The following SHE variants were observed in gnomAD, a reference collection of about 807,000 sequenced individuals.
The protein encoded by SHE is SH2 domain-containing adapter protein E.
A neutral mutation model predicts 49.8 loss-of-function variants in SHE; 11 were observed. That is an observed-to-expected ratio of 0.22 (90% CI 0.14 to 0.37). The LOEUF (loss-of-function observed/expected upper bound fraction) is 0.37. Among genes scored for constraint, SHE ranks in the 10% least tolerant of loss-of-function variants. SHE has a pLI of 1.00. For synonymous variants in SHE, 310 were observed against 278.1 expected, an observed-to-expected ratio of 1.11 and a Z score of -1.14; for missense variants, 624 against 655.5, an observed-to-expected ratio of 0.95 and a Z score of 0.52.
chr1:154,479,436 G>A, downstream of SHE: 2 of 919,548 alleles, frequency 2.2e-6, no homozygotes, highest in Non-Finnish European at 2.6e-6. Context: ...TTTTCTGAAG[G>A]AAGATGATTC....
In SHE at chr1:154,482,930, T is replaced by A; in HGVS notation, c.*1219A>T. ...TTTAAAAAATTTACTACAAAGCAAATCTAATTTTAGAGACAAAAATTAAAA... is the reference window on the plus strand; with the variant it reads ...TTTAAAAAATTTACTACAAAGCAAAACTAATTTTAGAGACAAAAATTAAAA... On this transcript the variant is annotated 3_prime_UTR_variant, in exon 6 of 6. Coordinates refer to ENST00000304760, the MANE Select transcript of SHE (RefSeq NM_001010846.3). The A allele has an allele frequency of 1.0e-6, 1 of 984,988 alleles. No homozygotes were observed. Among genetic ancestry groups the A allele is most frequent in the African/African-American group, 1.7e-5 (1 of 57,312 alleles). The allele number at this position is 984,988 out of a possible 1,614,324, so 61.0% of individuals were successfully genotyped here.
intron 3 of SHE, 142 bp from the exon 4 acceptor site, chr1:154,486,825 A>T: frequency 1.2e-6 from 1 of 866,234 alleles, no homozygotes; most frequent in Admixed American, 2.9e-5. Context: ...ACTGCAAAAT[A>T]CCCTGGCTAG....
chr1:154,473,900 T>C (rs1476241776), intron 1 of SHE, among the ~76,000 whole-genome samples: 3 of 152,222 alleles, frequency 2.0e-5, no homozygotes, highest in African/African-American at 7.2e-5. Context: ...GTGGCTGCCA[T>C]GTAAGTATTC....
At position 154,481,065 on chromosome 1, in the gene SHE, T is replaced by C; in HGVS notation, c.*3084A>G. The stretch of plus-strand genomic sequence containing the variant: ...GGAATGAGGACTACAGGAAAATACT[T>C]GTCTCAAGACAAAATGACAAAAAGC... On this transcript the variant is annotated 3_prime_UTR_variant, in exon 6 of 6. Coordinates refer to ENST00000304760, the MANE Select transcript of SHE (RefSeq NM_001010846.3). 1 of 985,440 alleles carries C rather than the reference T, an allele frequency of 1.0e-6. No individual in the cohort carries two copies. The highest frequency in any genetic ancestry group is 4.7e-5 in the South Asian group (1 of 21,286). 61.0% of individuals were successfully genotyped at this position (985,440 alleles called of 1,614,324 possible). A position where few individuals can be genotyped will look rare whatever the true frequency, so the allele number is the denominator to read the frequency against.
At chr1:154,488,385 A>C (rs1332888210) in intron 3 of SHE, among the ~76,000 whole-genome samples, 1 of 149,574 alleles carries the variant, frequency 6.7e-6, no homozygotes, top group African/African-American at 2.5e-5. Context: ...CAGCCTCTTG[A>C]GTAGCTGGGA....
In SHE at chr1:154,480,111, G is replaced by A. The variant is rs552275929; in HGVS notation, c.*4038C>T. ...AGCAGGCCAAGTTTCTCTAGTCCAC[G>A]TTAGTGGGGCACAAAAATTGGAAAT... On this transcript the variant is annotated 3_prime_UTR_variant, in exon 6 of 6. Transcript: ENST00000304760. The A allele has an allele frequency of 6.1e-6, 6 of 985,470 alleles. No individual in the cohort carries two copies. The highest frequency in any genetic ancestry group is 1.2e-4 in the Admixed American group (2 of 16,282). 61.0% of individuals were successfully genotyped at this position (985,470 alleles called of 1,614,324 possible). A position where few individuals can be genotyped will look rare whatever the true frequency, so the allele number is the denominator to read the frequency against.
Position 154,480,242 on chromosome 1 carries a change from T to G in SHE, c.*3907A>C. 9 of 985,440 alleles carry G rather than the reference T, an allele frequency of 9.1e-6. No individual in the cohort carries two copies. Among genetic ancestry groups the G allele is most frequent in the Non-Finnish European group, 1.1e-5 (9 of 829,944 alleles). The allele number at this position is 985,440 out of a possible 1,614,324, so 61.0% of individuals were successfully genotyped here. ...ACGAGAGATCTGTGAAGGGTTTCAGTGCAATCCTGCTGAGTGTCAAGGGGT... is the reference window on the plus strand; with the variant it reads ...ACGAGAGATCTGTGAAGGGTTTCAGGGCAATCCTGCTGAGTGTCAAGGGGT... On this transcript the variant is annotated 3_prime_UTR_variant, in exon 6 of 6. Coordinates refer to ENST00000304760, the MANE Select transcript of SHE (RefSeq NM_001010846.3).
At position 154,501,775 on chromosome 1, in the gene SHE, G is replaced by C; in HGVS notation, c.252C>G (p.Asn84Lys). ...TGCCGCTCCCCAGCTCGGCCGCCGA[G>C]TTCTTGCGGCCCTTGCCAGGACCCG... is the stretch of plus-strand genomic sequence containing the variant. ...AGPGPGKGRKNSAAELGSGRA... is the reference protein window; with the variant it reads ...AGPGPGKGRKKSAAELGSGRA... Residue 84 changes from asparagine to lysine, a missense_variant, in exon 1 of 6, where the codon AAC (asparagine) becomes AAG (lysine). Physicochemically the swap from Asn to Lys is moderately conservative, Grantham distance 94. Coordinates refer to ENST00000304760, the MANE Select transcript of SHE (RefSeq NM_001010846.3). 2 of 1,564,842 alleles carry C rather than the reference G, an allele frequency of 1.3e-6. No individual in the cohort carries two copies. Among genetic ancestry groups the C allele is most frequent in the Non-Finnish European group, 1.7e-6 (2 of 1,161,842 alleles).
chr1:154,501,712 G>C lies in SHE; in HGVS notation c.315C>G (p.Arg105=), dbSNP rs745616982. Residue 105 remains arginine, a synonymous_variant, in exon 1 of 6, where the codon CGC becomes CGG. Coordinates refer to ENST00000304760, the MANE Select transcript of SHE (RefSeq NM_001010846.3). ...CCTGAATCAGACCCTGCAGGCTGTCGCGGGACAGCCGGCTGTCCTTGGGGC... is the reference window on the plus strand; with the variant it reads ...CCTGAATCAGACCCTGCAGGCTGTCCCGGGACAGCCGGCTGTCCTTGGGGC... ...GVGPKDSRLS[R]DSLQGLIQAA... is the part of the protein sequence containing the mutation. The C allele has an allele frequency of 2.5e-6, 4 of 1,605,878 alleles. No homozygotes were observed. The highest frequency in any genetic ancestry group is 1.1e-5 in the South Asian group (1 of 90,468).
Position 154,485,716 on chromosome 1 carries a change from A to G in SHE, c.1301+227T>C, listed in dbSNP as rs540417311. On this transcript the variant is annotated intron_variant, in intron 5 of 5. Coordinates refer to ENST00000304760, the MANE Select transcript of SHE (RefSeq NM_001010846.3). ...AGACATTGACTAATGCACAAAGATA[A>G]TGCAATAAGACCTTCATTATCATAA... The G allele has an allele frequency of 6.7e-4, 321 of 475,984 alleles. 1 individual carries two copies. Among genetic ancestry groups the G allele is most frequent in the African/African-American group, 5.0e-3 (260 of 52,428 alleles). The allele number at this position is 475,984 out of a possible 1,614,324, so 29.5% of individuals were successfully genotyped here. A position where few individuals can be genotyped will look rare whatever the true frequency, so the allele number is the denominator to read the frequency against.
chr1:154,480,041 C>A lies in SHE; in HGVS notation c.*4108G>T. ...CAGTAACGCACCATCTCTCTTCACA[C>A]AGGGTCAGCGGTGGAGGGTAAGTTG... On this transcript the variant is annotated 3_prime_UTR_variant, in exon 6 of 6. Coordinates refer to ENST00000304760, the MANE Select transcript of SHE (RefSeq NM_001010846.3). The A allele has an allele frequency of 1.0e-6, 1 of 985,528 alleles. No homozygotes were observed. The highest frequency in any genetic ancestry group is 4.7e-5 in the South Asian group (1 of 21,290). The allele number at this position is 985,528 out of a possible 1,614,324, so 61.0% of individuals were successfully genotyped here.
Position 154,481,011 on chromosome 1 carries a change from G to A in SHE, c.*3138C>T. ...ACTGAAAGACATTCTTCTCACCAGA[G>A]AATATCCTGGGAGATGGAATAACTC... On this transcript the variant is annotated 3_prime_UTR_variant, in exon 6 of 6. Transcript: ENST00000304760. 1.0e-6 allele frequency: 1 copy of A among 985,374 alleles called. No individual in the cohort carries two copies. Among genetic ancestry groups the A allele is most frequent in the Non-Finnish European group, 1.2e-6 (1 of 829,908 alleles). 61.0% of individuals were successfully genotyped at this position (985,374 alleles called of 1,614,324 possible). A position where few individuals can be genotyped will look rare whatever the true frequency, so the allele number is the denominator to read the frequency against.
At chr1:154,494,571 CT>C (rs1041689325) in intron 2 of SHE, among the ~76,000 whole-genome samples, 1 of 146,628 alleles carries the variant, frequency 6.8e-6, no homozygotes, top group African/African-American at 2.5e-5. Context: ...GTGAGGTTCT[CT>C]TTTAGATTTG....
chr1:154,502,012 C>G lies in SHE; in HGVS notation c.15G>C (p.Pro5=). The change falls in exon 1 of 6, where the codon CCG becomes CCC. Residue 5 remains proline, a synonymous_variant. Transcript: ENST00000304760. ...CCAGACACGCAGAGGCGCCAGGGGT[C>G]GGGGACCACTGCATTCCCCGTGACT... MQWS[P]TPGASACLGW... is the part of the protein sequence containing the mutation. 1 of 1,381,808 alleles carries G rather than the reference C, an allele frequency of 7.2e-7. No homozygotes were observed. Among genetic ancestry groups the G allele is most frequent in the Non-Finnish European group, 9.3e-7 (1 of 1,076,104 alleles). 85.6% of individuals were successfully genotyped at this position (1,381,808 alleles called of 1,614,324 possible).
chr1:154,480,811 A>C lies in SHE; in HGVS notation c.*3338T>G. ...GGCCAGTGGTTTGCAGGCCATCCTG[A>C]GATACAACTATGGTATCAAAGTAAA... On this transcript the variant is annotated 3_prime_UTR_variant, in exon 6 of 6. Coordinates refer to ENST00000304760, the MANE Select transcript of SHE (RefSeq NM_001010846.3). The C allele has an allele frequency of 1.0e-6, 1 of 985,422 alleles. No individual in the cohort carries two copies. Among genetic ancestry groups the C allele is most frequent in the Non-Finnish European group, 1.2e-6 (1 of 829,930 alleles). 61.0% of individuals were successfully genotyped at this position (985,422 alleles called of 1,614,324 possible).
intron 2 of SHE, among the ~76,000 whole-genome samples, chr1:154,496,603 G>A (rs1213850566): frequency 1.3e-5 from 2 of 152,128 alleles, no homozygotes. Context: ...TGGAGTGGGA[G>A]ATCCGGGTGC....
intron 2 of SHE, 68 bp downstream of exon 2, chr1:154,499,044 G>A (rs1460417994): frequency 6.4e-7 from 1 of 1,563,666 alleles, no homozygotes; most frequent in Middle Eastern, 1.7e-4. Context: ...ATAGACACCG[G>A]TTACTATATT....
At chr1:154,500,522 A>G (rs1692681105) in intron 1 of SHE, among the ~76,000 whole-genome samples, 1 of 152,228 alleles carries the variant, frequency 6.6e-6, no homozygotes. Flanking sequence ...CCTGGGCAAG[A>G]GAAAATTAAA....
At chr1:154,489,495 G>A in intron 2 of SHE, 139 bp from the exon 3 acceptor site, 1 of 1,060,856 alleles carries the variant, frequency 9.4e-7, no homozygotes, top group South Asian at 1.6e-5. Context: ...ATAACTCCAA[G>A]ATTGCTCCCT....
Sources: allele counts gnomAD v4.1 joint callset (sites outside exome capture counted in the v4.1 genomes callset), GRCh38; gene constraint gnomAD v4.1.1; transcripts MANE v1.5; gene names NCBI Gene and HGNC (gene_info 2026-07-23, HGNC 2026-07-21).